OVCH2: variants seen among roughly 807,000 people sequenced by gnomAD.
OVCH2 encodes ovochymase 2.
In OVCH2, 88 loss-of-function variants were observed where a neutral mutation model predicts 73.7. That is an observed-to-expected ratio of 1.19 (90% CI 1.01 to 1.43). The LOEUF is 1.43. Ranked by LOEUF, OVCH2 falls within the 40% of genes most tolerant of loss-of-function variation. OVCH2 has a pLI of 0.00. For missense variants in OVCH2, 706 were observed against 674.5 expected (o/e 1.05, Z -0.52); for synonymous variants, 265 against 234.5 (o/e 1.13, Z -1.19).
In OVCH2 at chr11:7,703,790, C is replaced by T; in HGVS notation, c.199-1G>A. ...GCTTCTGCCTTTGTTTCAGAGATAC[C>T]TAAATTGCAAATACCTTAAATGAAA... On this transcript the variant is annotated splice_acceptor_variant, in intron 2 of 15. Transcript: ENST00000533663. LOFTEE classifies it high-confidence loss of function. 6.2e-7 allele frequency: 1 copy of T among 1,601,026 alleles called. No individual in the cohort carries two copies. The highest frequency in any genetic ancestry group is 8.5e-7 in the Non-Finnish European group (1 of 1,173,334).
the OVCH2 span, among the ~76,000 whole-genome samples, chr11:7,680,326 G>C: frequency 2.6e-5 from 4 of 152,306 alleles, no homozygotes; most frequent in Middle Eastern, 3.4e-3. Context: ...CTGGTGCGTG[G>C]GGAAAAATTT....
At chr11:7,682,290 A>T in the OVCH2 span, among the ~76,000 whole-genome samples, 3 of 152,234 alleles carry the variant, frequency 2.0e-5, no homozygotes, top group Admixed American at 6.5e-5. Flanking sequence ...AATCCAGCCT[A>T]GTGTTCTTCC....
rs1364217524 is a variant in OVCH2 at position 7,691,502 on chromosome 11, G to A, written c.1508-102C>T. The A allele has an allele frequency of 2.2e-6, 3 of 1,383,242 alleles. 1 individual carries two copies. The highest frequency in any genetic ancestry group is 9.7e-7 in the Non-Finnish European group (1 of 1,031,536). The allele number at this position is 1,383,242 out of a possible 1,614,324, so 85.7% of individuals were successfully genotyped here. A position where few individuals can be genotyped will look rare whatever the true frequency, so the allele number is the denominator to read the frequency against. ...GAAAATCATCCTTCAGGTAATTGTT[G>A]AGAAATACGCTTTTCACAATTCATT... On this transcript the variant is annotated intron_variant, in intron 13 of 15. Transcript: ENST00000533663.
chr11:7,703,130 T>C (rs766952047), intron 3 of OVCH2, among the ~76,000 whole-genome samples: 9 of 152,224 alleles, frequency 5.9e-5, no homozygotes, highest in Non-Finnish European at 2.9e-5. Flanking sequence ...GTTTGCAGAC[T>C]TGAAATGAAA....
intron 5 of OVCH2, 75 bp from the exon 6 acceptor site, chr11:7,701,550 TTG>T (rs1430314414): frequency 1.3e-6 from 2 of 1,540,190 alleles, no homozygotes; most frequent in Non-Finnish European, 1.8e-6. Flanking sequence ...TCATTTGTGT[TTG>T]TGTCGCTTGG....
chr11:7,699,073 C>T (rs913911220), intron 7 of OVCH2: 3 of 299,884 alleles, frequency 1.0e-5, no homozygotes, highest in African/African-American at 6.6e-5. Context: ...AATAGTTTGT[C>T]CATAACTATA....
intron 6 of OVCH2, 132 bp from the exon 7 acceptor site, chr11:7,700,617 CCTG>C: frequency 1.0e-6 from 1 of 996,164 alleles, no homozygotes; most frequent in Non-Finnish European, 1.4e-6. Context: ...GACTCAGGGT[CCTG>C]TGTATACAGA....
chr11:7,691,496 A>G (rs1311018013), intron 13 of OVCH2, 96 bp from the exon 14 acceptor site: 1 of 1,426,816 alleles, frequency 7.0e-7, no homozygotes, highest in Non-Finnish European at 9.4e-7. Context: ...CCTTCAGGTA[A>G]TTGTTGAGAA....
intron 14 of OVCH2, 110 bp downstream of exon 14, chr11:7,691,159 A>C: frequency 1.6e-6 from 2 of 1,289,270 alleles, no homozygotes; most frequent in Admixed American, 2.1e-5. Context: ...GGATGTAATT[A>C]CTGCAGATAG....
At chr11:7,681,713 GGGCTGTGGAGACAACCA>G in the OVCH2 span, among the ~76,000 whole-genome samples, 377 of 152,088 alleles carry the variant, frequency 2.5e-3, 12 homozygotes, top group East Asian at 0.06. Flanking sequence ...TTCACAGCTT[GGGCTGTGGAGACAACCA>G]GGAGTAAGTG....
intron 7 of OVCH2, chr11:7,698,998 G>T: frequency 2.1e-6 from 1 of 471,940 alleles, no homozygotes; most frequent in Non-Finnish European, 3.8e-6. Flanking sequence ...ATATGAAATG[G>T]TAATTAACTG....
intron 13 of OVCH2, 49 bp downstream of exon 13, chr11:7,691,853 C>T: frequency 7.0e-7 from 1 of 1,423,044 alleles, no homozygotes; most frequent in Non-Finnish European, 9.7e-7. Context: ...CATCTCAAGA[C>T]TGGGTCCAAA....
intron 5 of OVCH2, 23 bp from the exon 6 acceptor site, chr11:7,701,498 C>T (rs370671930): frequency 5.3e-5 from 85 of 1,602,926 alleles, no homozygotes; most frequent in Middle Eastern, 1.7e-4. Flanking sequence ...GAGATGGAAG[C>T]CCCAGCAGGA....
Position 7,700,326 on chromosome 11 carries a change from G to T in OVCH2, c.871C>A (p.Leu291Ile). 1 of 1,613,864 alleles carries T rather than the reference G, an allele frequency of 6.2e-7. No homozygotes were observed. The highest frequency in any genetic ancestry group is 8.5e-7 in the Non-Finnish European group (1 of 1,179,838). ...TGGATGTGTTCGTGGATCCAGGGAA[G>T]CACTTTACTAATGTCTGTGAAGATC... ...PGIFTDISKVLPWIHEHIQTG... is the reference protein window; with the variant it reads ...PGIFTDISKVIPWIHEHIQTG... Residue 291 changes from leucine to isoleucine, a missense_variant, in exon 7 of 16, where the codon CTT becomes ATT. Coordinates refer to ENST00000533663, the MANE Select transcript of OVCH2 (RefSeq NM_198185.7).
Position 7,689,549 on chromosome 11 carries a change from A to C in OVCH2, c.*85T>G, listed in dbSNP as rs1856180531. On this transcript the variant is annotated 3_prime_UTR_variant, in exon 16 of 16. Transcript: ENST00000533663. ...AGGGCTGTGACGAGGAGTCTGCCCC[A>C]AGCCTCTCCTCTAGCTTCTGGTGGT... is the stretch of plus-strand genomic sequence containing the variant. 2.2e-6 allele frequency: 1 copy of C among 451,270 alleles called. No homozygotes were observed. The highest frequency in any genetic ancestry group is 4.5e-6 in the Non-Finnish European group (1 of 224,544). 28.0% of individuals were successfully genotyped at this position (451,270 alleles called of 1,614,324 possible).
At chr11:7,690,034 A>C in intron 14 of OVCH2, 21 bp from the exon 15 acceptor site, 1 of 1,437,182 alleles carries the variant, frequency 7.0e-7, no homozygotes, top group Non-Finnish European at 9.4e-7. Flanking sequence ...GTATGATACA[A>C]TTACTCAGTT....
chr11:7,699,032 A>G, intron 7 of OVCH2: 1 of 422,240 alleles, frequency 2.4e-6, no homozygotes, highest in Non-Finnish European at 4.3e-6. Context: ...GGAAGGGGTC[A>G]TTTTACATAA....
At chr11:7,698,122 C>T (rs1353205977) in intron 8 of OVCH2, among the ~76,000 whole-genome samples, 4 of 152,206 alleles carry the variant, frequency 2.6e-5, no homozygotes, top group South Asian at 2.1e-4. Context: ...TCCTACTCCT[C>T]CTTCCAGTTG....
intron 1 of OVCH2, among the ~76,000 whole-genome samples, chr11:7,705,976 T>C (rs1409407902): frequency 1.3e-5 from 2 of 152,206 alleles, no homozygotes; most frequent in Non-Finnish European, 2.9e-5. Flanking sequence ...AAATCCATGC[T>C]GATTTCCAGA....
Sources: gnomAD v4.1 joint callset for allele counts (sites outside exome capture counted in the v4.1 genomes callset) on GRCh38, gnomAD v4.1.1 for gene constraint, MANE v1.5 for transcripts, NCBI Gene and HGNC (gene_info 2026-07-23, HGNC 2026-07-21) for gene names.